TTYH2: variants seen among roughly 807,000 people sequenced by gnomAD.
TTYH2 encodes the protein tweety family member 2.
Under a neutral mutation model 68.3 loss-of-function variants are expected in TTYH2, and 49 were observed. That is an observed-to-expected ratio of 0.72 (90% CI 0.57 to 0.91). The LOEUF is 0.91. Ranked by LOEUF, TTYH2 falls within the 40% of genes least tolerant of loss-of-function variation. The pLI is 0.00. For missense variants in TTYH2, 631 were observed against 700.4 expected (o/e 0.90, Z 1.12); for synonymous variants, 272 against 300.8 (o/e 0.90, Z 0.99).
At chr17:74,248,443 C>T in intron 6 of TTYH2, 1 of 987,392 alleles carries the variant, frequency 1.0e-6, no homozygotes, top group South Asian at 4.7e-5. Context: ...ATGCCCTTCC[C>T]ACCCCATGTC....
chr17:74,232,157 C>G lies in TTYH2; in HGVS notation c.414+1158C>G, dbSNP rs1449427796. 2.0e-5 allele frequency among the ~76,000 whole-genome samples: 3 copies of G among 152,206 alleles called. No individual in the cohort carries two copies. The highest frequency in any genetic ancestry group is 2.0e-4 in the Admixed American group (3 of 15,282). ...ATCCAGCCCCAACAGGAGAATTTGGCCATTGCCCCGGCATCCTCCAGAAGA... is the reference window on the plus strand; with the variant it reads ...ATCCAGCCCCAACAGGAGAATTTGGGCATTGCCCCGGCATCCTCCAGAAGA... On this transcript the variant is annotated intron_variant, in intron 3 of 13. Coordinates refer to ENST00000269346, the MANE Select transcript of TTYH2 (RefSeq NM_032646.6). The surrounding 1 kb of genome is among the most constrained non-coding windows in gnomAD (Gnocchi z 5.1).
chr17:74,224,098 A>G (rs1301261491), intron 2 of TTYH2, among the ~76,000 whole-genome samples: 2 of 152,146 alleles, frequency 1.3e-5, no homozygotes, highest in East Asian at 3.9e-4. Flanking sequence ...GAGCTTTGAG[A>G]AGTGACTGGT....
chr17:74,253,658 C>A (rs2050661178), intron 12 of TTYH2, 97 bp from the exon 13 acceptor site: 2 of 1,198,672 alleles, frequency 1.7e-6, no homozygotes, highest in Non-Finnish European at 2.5e-6. Flanking sequence ...CCATCCCCCA[C>A]CTCCCATGTG....
intron 13 of TTYH2, 78 bp from the exon 14 acceptor site, chr17:74,260,051 G>C: frequency 7.4e-7 from 1 of 1,351,392 alleles, no homozygotes; most frequent in Non-Finnish European, 1.1e-6. Context: ...GTTCCACTCT[G>C]AGAAGTCCCC....
intron 3 of TTYH2, among the ~76,000 whole-genome samples, chr17:74,231,321 ATT>A (rs2050387342): frequency 6.6e-6 from 1 of 152,186 alleles, no homozygotes; most frequent in Non-Finnish European, 1.5e-5. Flanking sequence ...GCCCCACTGC[ATT>A]TTTTGTTTTC....
At chr17:74,251,626 G>A (rs1172021800) in intron 10 of TTYH2, among the ~76,000 whole-genome samples, 1 of 150,888 alleles carries the variant, frequency 6.6e-6, no homozygotes, top group Non-Finnish European at 1.5e-5. Flanking sequence ...CCACGATCCG[G>A]TCCTGCCCCT....
intron 10 of TTYH2, 160 bp from the exon 11 acceptor site, chr17:74,252,074 A>C: frequency 1.2e-6 from 1 of 834,566 alleles, no homozygotes; most frequent in South Asian, 1.6e-5. Context: ...GTTAGGCTCC[A>C]GAGTGTGGAC....
chr17:74,251,191 C>T (rs951554719), intron 10 of TTYH2, among the ~76,000 whole-genome samples: 5 of 150,208 alleles, frequency 3.3e-5, no homozygotes, highest in Non-Finnish European at 7.4e-5. Flanking sequence ...CGCATGTGTG[C>T]TGTGCATGCG....
intron 13 of TTYH2, among the ~76,000 whole-genome samples, chr17:74,258,143 G>A (rs547595428): frequency 7.2e-5 from 11 of 151,848 alleles, no homozygotes; most frequent in African/African-American, 2.7e-4. Context: ...GACAGAGTGA[G>A]ATTCTGTCTC....
chr17:74,216,780 A>G (rs765697480), intron 1 of TTYH2, among the ~76,000 whole-genome samples: 21 of 152,254 alleles, frequency 1.4e-4, no homozygotes, highest in Non-Finnish European at 2.8e-4. Flanking sequence ...ATGTGGCTGT[A>G]TGTCTGGAAG....
At chr17:74,231,285 A>C (rs1371977014) in intron 3 of TTYH2, among the ~76,000 whole-genome samples, 1 of 152,236 alleles carries the variant, frequency 6.6e-6, no homozygotes, top group African/African-American at 2.4e-5. Context: ...TGATTTGTCA[A>C]AGGAGACCTT....
At chr17:74,238,133 C>T (rs1171056342) in intron 4 of TTYH2, among the ~76,000 whole-genome samples, 2 of 152,224 alleles carry the variant, frequency 1.3e-5, no homozygotes, top group African/African-American at 4.8e-5. Context: ...TTCTCTGGGA[C>T]TAGCATTCTT....
At chr17:74,235,883 G>A (rs2050437819) in intron 3 of TTYH2, among the ~76,000 whole-genome samples, 1 of 143,352 alleles carries the variant, frequency 7.0e-6, no homozygotes, top group Non-Finnish European at 1.5e-5. Flanking sequence ...GACACAGAGC[G>A]AGACTCCATC....
intron 13 of TTYH2, among the ~76,000 whole-genome samples, chr17:74,258,696 G>A (rs1169302175): frequency 1.3e-5 from 2 of 152,060 alleles, no homozygotes; most frequent in South Asian, 2.1e-4. Context: ...CGTCATTCTC[G>A]GTGGGGGGTT....
intron 1 of TTYH2, among the ~76,000 whole-genome samples, chr17:74,216,094 G>T (rs1234613607): frequency 1.3e-5 from 2 of 152,192 alleles, no homozygotes; most frequent in Non-Finnish European, 2.9e-5. Flanking sequence ...CACATATCAT[G>T]CCTAGTACAG....
chr17:74,218,675 G>C (rs896448284), intron 1 of TTYH2, among the ~76,000 whole-genome samples: 3 of 152,218 alleles, frequency 2.0e-5, no homozygotes, highest in South Asian at 2.1e-4. Context: ...GCTGCCGAAG[G>C]GGGAGACCGG....
chr17:74,253,296 T>G (rs752279330), intron 12 of TTYH2, 30 bp downstream of exon 12: 4 of 1,548,374 alleles, frequency 2.6e-6, no homozygotes, highest in South Asian at 2.5e-5. Context: ...CCAGGCTGGG[T>G]AGCACTGCCC....
chr17:74,241,255 T>C lies in TTYH2; in HGVS notation c.636-2119T>C, dbSNP rs2050496620. ...GGACAACATAGACAGACCCGGTATT[T>C]ATAATACGTGTGTGTGTGTGTGTGT... On this transcript the variant is annotated intron_variant, in intron 4 of 13. Transcript: ENST00000269346. This position sits in a 1 kb window ranked among gnomAD's most constrained non-coding sequence, Gnocchi z 4.1. Among the ~76,000 whole-genome samples the C allele has an allele frequency of 6.9e-6, 1 of 145,188 alleles. No homozygotes were observed. Among genetic ancestry groups the C allele is most frequent in the Non-Finnish European group, 1.5e-5 (1 of 66,746 alleles).
At position 74,237,733 on chromosome 17, in the gene TTYH2, T is replaced by C. The variant is rs538911997; in HGVS notation, c.635+219T>C. The stretch of plus-strand genomic sequence containing the variant: ...TCTCTACCTCCGGGGTTCAAGAGAT[T>C]CTCTTGCCTCAGCCTCCCTCCCAAG... On this transcript the variant is annotated intron_variant, in intron 4 of 13. Coordinates refer to ENST00000269346, the MANE Select transcript of TTYH2 (RefSeq NM_032646.6). Among the ~76,000 whole-genome samples the C allele has an allele frequency of 1.8e-4, 28 of 152,114 alleles. No homozygotes were observed. The South Asian group carries it at 5.8e-3, about 32-fold the overall frequency.
Sources: allele counts gnomAD v4.1 joint callset (sites outside exome capture counted in the v4.1 genomes callset), GRCh38; gene constraint gnomAD v4.1.1; non-coding constraint Gnocchi (gnomAD v3.1); transcripts MANE v1.5; gene names NCBI Gene and HGNC (gene_info 2026-07-23, HGNC 2026-07-21).